Variants in DFFB observed in about 807,000 individuals in gnomAD.
DFFB encodes DNA fragmentation factor subunit beta.
A neutral mutation model predicts 32.7 loss-of-function variants in DFFB; 29 were observed. That is an observed-to-expected ratio of 0.89 (90% confidence interval 0.66 to 1.21). DFFB has a LOEUF of 1.21. Ranked by LOEUF, DFFB falls within the 50% of genes most tolerant of loss-of-function variation. DFFB has a pLI of 0.00. For missense variants in DFFB, 398 were observed against 440.6 expected (o/e 0.90, Z 0.87); for synonymous variants, 170 against 177.1 (o/e 0.96, Z 0.32).
chr1:3,883,137 G>C (rs1645375510), intron 6 of DFFB, among the ~76,000 whole-genome samples: 2 of 151,964 alleles, frequency 1.3e-5, no homozygotes, highest in South Asian at 4.2e-4. Context: ...CCAAGTAGCT[G>C]GGATAACAGG....
chr1:3,866,102 C>A, intron 3 of DFFB, 102 bp downstream of exon 3: 1 of 1,001,188 alleles, frequency 1.0e-6, no homozygotes, highest in Non-Finnish European at 1.5e-6. Flanking sequence ...CTGGCCTGTA[C>A]CCTCGTGGGT....
At position 3,865,073 on chromosome 1, in the gene DFFB, A is replaced by AT. The variant is rs70940334; in HGVS notation, c.242-728dup. On this transcript the variant is annotated intron_variant, in intron 2 of 6. Transcript: ENST00000378209. The surrounding 1 kb of genome is among the most constrained non-coding windows in gnomAD (Gnocchi z 4.7). ...TGTGGCTTTTCATTCTCTTAAGAGC[A>AT]TTTTTTTTTTTGCGGAGTAAGAGTT... Among the ~76,000 whole-genome samples, 127 of 149,158 alleles carry AT rather than the reference A, an allele frequency of 8.5e-4. No homozygotes were observed. The highest frequency in any genetic ancestry group is 1.4e-3 in the East Asian group (7 of 5,072).
At chr1:3,874,474 T>G (rs1645183248) in intron 6 of DFFB, among the ~76,000 whole-genome samples, 1 of 45,902 alleles carries the variant, frequency 2.2e-5, no homozygotes, top group Non-Finnish European at 4.2e-5. Flanking sequence ...GGGTTTAACA[T>G]GCACATACGT....
At chr1:3,857,812 C>A in intron 1 of DFFB, 95 bp downstream of exon 1, 2 of 934,954 alleles carry the variant, frequency 2.1e-6, no homozygotes, top group Non-Finnish European at 3.0e-6. Context: ...AGGGTGCAGG[C>A]GGCGCCCGGG....
chr1:3,857,812 C>T lies in DFFB; in HGVS notation c.114+95C>T, dbSNP rs1053946670. On this transcript the variant is annotated intron_variant, in intron 1 of 6. Transcript: ENST00000378209. ...CCTCTTCCAAAACGGAGGGTGCAGG[C>T]GGCGCCCGGGGCGGGTAGTTTTCGT... The T allele has an allele frequency of 3.2e-5, 30 of 934,836 alleles. No homozygotes were observed. In the African/African-American group the frequency reaches 4.9e-4, roughly 15 times the overall value. The allele number at this position is 934,836 out of a possible 1,614,324, so 57.9% of individuals were successfully genotyped here.
At chr1:3,877,822 C>T (rs191698580) in intron 6 of DFFB, among the ~76,000 whole-genome samples, 276 of 152,212 alleles carry the variant, frequency 1.8e-3, no homozygotes, top group Middle Eastern at 3.4e-3. Context: ...CTCAGCACCT[C>T]AGTTCCACTG....
At chr1:3,872,340 G>A (rs1484813251) in intron 5 of DFFB, 132 bp from the exon 6 acceptor site, 14 of 635,332 alleles carry the variant, frequency 2.2e-5, no homozygotes, top group Non-Finnish European at 2.8e-5. Flanking sequence ...TTCAACACGG[G>A]AGGCGGAGGT....
At chr1:3,875,423 G>T (rs1043696301) in intron 6 of DFFB, among the ~76,000 whole-genome samples, 1 of 152,278 alleles carries the variant, frequency 6.6e-6, no homozygotes, top group Non-Finnish European at 1.5e-5. Flanking sequence ...GAGTGTGCTG[G>T]GTCCTAATGA....
At position 3,884,030 on chromosome 1, in the gene DFFB, T is replaced by C. The variant is rs530180842; in HGVS notation, c.*289T>C. The C allele has an allele frequency of 6.2e-4, 242 of 388,650 alleles. No homozygotes were observed. The highest frequency in any genetic ancestry group is 4.7e-3 in the African/African-American group (231 of 48,978). The allele number at this position is 388,650 out of a possible 1,614,324, so 24.1% of individuals were successfully genotyped here. A position where few individuals can be genotyped will look rare whatever the true frequency, so the allele number is the denominator to read the frequency against. ...TCCCGAGTAGCTGGGATTACAGGCA[T>C]GTGCCACCACGCCCGGCTAATGTTT... On this transcript the variant is annotated 3_prime_UTR_variant, in exon 7 of 7. Coordinates refer to ENST00000378209, the MANE Select transcript of DFFB (RefSeq NM_004402.4).
Position 3,858,751 on chromosome 1 carries a change from G to A in DFFB, c.148G>A (p.Glu50Lys). ...GCGCGGTTCCCGGCTGTGCCTGTACGAGGATGGCACGGAGCTGACGGAAGA... is the reference window on the plus strand; with the variant it reads ...GCGCGGTTCCCGGCTGTGCCTGTACAAGGATGGCACGGAGCTGACGGAAGA... ...PERGSRLCLY[E>K]DGTELTEDYF... The change falls in exon 2 of 7, where the codon GAG becomes AAG. Residue 50 changes from glutamate to lysine, a missense_variant. Coordinates refer to ENST00000378209, the MANE Select transcript of DFFB (RefSeq NM_004402.4). 6.2e-7 allele frequency: 1 copy of A among 1,614,178 alleles called. No individual in the cohort carries two copies. Among genetic ancestry groups the A allele is most frequent in the East Asian group, 2.2e-5 (1 of 44,888 alleles).
At position 3,883,804 on chromosome 1, in the gene DFFB, C is replaced by T. The variant is rs1405712353; in HGVS notation, c.*63C>T. The T allele has an allele frequency of 8.8e-6, 13 of 1,472,002 alleles. No individual in the cohort carries two copies. In the East Asian group the frequency reaches 2.7e-4, roughly 31 times the overall value. 91.2% of individuals were successfully genotyped at this position (1,472,002 alleles called of 1,614,324 possible). ...GACGTGGGCATCATTTTAACAGGTG[C>T]CTTTTTTGTTTTTTTGTTTTTCGTT... On this transcript the variant is annotated 3_prime_UTR_variant, in exon 7 of 7. Transcript: ENST00000378209.
intron 5 of DFFB, among the ~76,000 whole-genome samples, chr1:3,870,420 C>G (rs1645088422): frequency 6.6e-6 from 1 of 152,174 alleles, no homozygotes; most frequent in Non-Finnish European, 1.5e-5. Flanking sequence ...TCCCATGGGA[C>G]AGGGCTCCTT....
intron 2 of DFFB, 101 bp downstream of exon 2, chr1:3,858,945 T>C: frequency 6.7e-7 from 1 of 1,502,982 alleles, no homozygotes. Flanking sequence ...GAGTCCCCCT[T>C]ACTGTGAACT....
intron 6 of DFFB, 118 bp from the exon 7 acceptor site, chr1:3,883,389 G>A (rs1002829951): frequency 4.3e-6 from 4 of 923,740 alleles, no homozygotes; most frequent in Non-Finnish European, 6.5e-6. Context: ...GTGCGGCCGT[G>A]TGTCCGTGAT....
chr1:3,864,408 C>T (rs1444050707), intron 2 of DFFB, among the ~76,000 whole-genome samples: 1 of 152,174 alleles, frequency 6.6e-6, no homozygotes, highest in East Asian at 1.9e-4. Context: ...TCTGTGCAGC[C>T]TCGCCAGCTT....
intron 1 of DFFB, among the ~76,000 whole-genome samples, chr1:3,857,918 C>T (rs887095400): frequency 1.3e-5 from 2 of 152,176 alleles, no homozygotes; most frequent in Admixed American, 6.5e-5. Flanking sequence ...GGTTGGGGGA[C>T]GACCTGGATC....
At chr1:3,862,031 G>A (rs1210011244) in intron 2 of DFFB, among the ~76,000 whole-genome samples, 1 of 152,146 alleles carries the variant, frequency 6.6e-6, no homozygotes, top group Non-Finnish European at 1.5e-5. Flanking sequence ...GTTTAGCAAG[G>A]TTGAAGGATA....
intron 2 of DFFB, among the ~76,000 whole-genome samples, chr1:3,864,933 T>A (rs1008618574): frequency 1.3e-5 from 2 of 152,216 alleles, no homozygotes; most frequent in Admixed American, 6.5e-5. Context: ...CTTTTTCTAA[T>A]TGGCTTATTT....
rs1223782740 is a variant in DFFB, at chr1:3,883,724, G to A, written c.1000G>A (p.Val334Met). The change falls in exon 7 of 7, where the codon GTG (valine) becomes ATG (methionine). Residue 334 changes from valine (V) to methionine (M), a missense_variant. By Grantham distance (21) the Val-to-Met change is conservative (BLOSUM62 1). Transcript: ENST00000378209. ...PQTRLKRKQP[V>M]RKRQ The stretch of plus-strand genomic sequence containing the variant: ...GACAAGGTTGAAGCGGAAGCAGCCT[G>A]TGCGGAAACGCCAGTGACACGTACA... 1.9e-6 allele frequency: 3 copies of A among 1,614,126 alleles called. No individual in the cohort carries two copies. Among genetic ancestry groups the A allele is most frequent in the Non-Finnish European group, 2.5e-6 (3 of 1,180,032 alleles).
Sources: allele counts gnomAD v4.1 joint callset (sites outside exome capture counted in the v4.1 genomes callset), GRCh38; gene constraint gnomAD v4.1.1; non-coding constraint Gnocchi (gnomAD v3.1); transcripts MANE v1.5; gene names NCBI Gene and HGNC (gene_info 2026-07-23, HGNC 2026-07-21).